The following RBFOX1 variants were observed in gnomAD, a reference collection of about 807,000 sequenced individuals.
RBFOX1 encodes the protein RNA binding fox-1 homolog 1.
RBFOX1 carries 8 observed loss-of-function variants against 57.7 expected under a neutral mutation model. That is an observed-to-expected ratio of 0.14 (90% CI 0.08 to 0.25). RBFOX1 has a LOEUF of 0.25. Among genes scored for constraint, RBFOX1 ranks in the 10% least tolerant of loss-of-function variants. RBFOX1 has a pLI of 1.00. For synonymous variants in RBFOX1, 326 were observed against 222.4 expected, an observed-to-expected ratio of 1.47 and a Z score of -4.15; for missense variants, 611 against 548.5, an observed-to-expected ratio of 1.11 and a Z score of -1.14.
Position 7,109,023 on chromosome 16 carries a change from A to G in RBFOX1, c.27+56925A>G, listed in dbSNP as rs536137028. On this transcript the variant is annotated intron_variant, in intron 4 of 15. Transcript: ENST00000550418. Reference sequence around the variant, plus strand: ...TCAATGGGATGGAAAAGAGGGCAGTATACGTGCAGCATAGGAAAATACAAG... The same window carrying G: ...TCAATGGGATGGAAAAGAGGGCAGTGTACGTGCAGCATAGGAAAATACAAG... Among the ~76,000 whole-genome samples the G allele has an allele frequency of 1.8e-4, 28 of 152,292 alleles. 1 individual carries two copies. In the South Asian group the frequency reaches 5.2e-3, roughly 28 times the overall value.
chr16:7,290,820 A>G (rs910685093), intron 4 of RBFOX1, among the ~76,000 whole-genome samples: 2 of 152,218 alleles, frequency 1.3e-5, no homozygotes, highest in Non-Finnish European at 2.9e-5. Flanking sequence ...TTAGAAGCAG[A>G]CAGCTTATCT....
intron 5 of RBFOX1, among the ~76,000 whole-genome samples, chr16:7,544,542 A>G (rs1460376057): frequency 6.6e-6 from 1 of 152,152 alleles, no homozygotes; most frequent in Non-Finnish European, 1.5e-5. Context: ...GGCATCAAAG[A>G]CAGATTGGAC....
At chr16:5,966,756 C>T (rs539562711) in intron 4 of RBFOX1, among the ~76,000 whole-genome samples, 5 of 152,260 alleles carry the variant, frequency 3.3e-5, no homozygotes, top group Admixed American at 6.5e-5. Flanking sequence ...TCCATGATCA[C>T]ATCACTCCAC....
chr16:6,799,710 C>G (rs1405619912), intron 3 of RBFOX1, among the ~76,000 whole-genome samples: 1 of 152,138 alleles, frequency 6.6e-6, no homozygotes, highest in African/African-American at 2.4e-5. Context: ...CACCTTTCGT[C>G]TTTCTCCTGT....
intron 4 of RBFOX1, among the ~76,000 whole-genome samples, chr16:7,225,596 G>T (rs2093044828): frequency 6.6e-6 from 1 of 151,890 alleles, no homozygotes; most frequent in Non-Finnish European, 1.5e-5. Context: ...GAGATGATGA[G>T]ATTGTGACCT....
In RBFOX1 at chr16:7,694,622, G is replaced by C. The variant is rs150531282; in HGVS notation, c.996-14434G>C. On this transcript the variant is annotated intron_variant, in intron 14 of 15. Coordinates refer to ENST00000550418, the MANE Select transcript of RBFOX1 (RefSeq NM_018723.4). Reference sequence around the variant, plus strand: ...AATTTCCCTCTTAACCCCTAGACTCGTATCTCTGCTTCTCATTGTGAGAGG... The same window carrying C: ...AATTTCCCTCTTAACCCCTAGACTCCTATCTCTGCTTCTCATTGTGAGAGG... 5.9e-3 allele frequency among the ~76,000 whole-genome samples: 892 copies of C among 152,234 alleles called. 28 individuals are homozygous for C. Among genetic ancestry groups the C allele is most frequent in the East Asian group, 3.9e-3 (20 of 5,170 alleles).
At chr16:5,452,212 G>A (rs924017742) in intron 1 of RBFOX1, among the ~76,000 whole-genome samples, 4 of 150,100 alleles carry the variant, frequency 2.7e-5, no homozygotes, top group African/African-American at 2.5e-5. Context: ...TCTGCTTCTC[G>A]GGTTCAAACG....
At chr16:7,502,340 T>A (rs2071212594) in intron 4 of RBFOX1, among the ~76,000 whole-genome samples, 1 of 152,190 alleles carries the variant, frequency 6.6e-6, no homozygotes. Flanking sequence ...CTTACAACAT[T>A]GTGGGAGGTC....
chr16:6,274,087 C>T (rs1016457134), intron 1 of RBFOX1, among the ~76,000 whole-genome samples: 8 of 152,148 alleles, frequency 5.3e-5, no homozygotes, highest in East Asian at 3.9e-4. Context: ...ACATACACAT[C>T]GCTGGAGAGG....
rs531216085 is a variant in RBFOX1, at chr16:6,894,758, T to A, written c.-15-157299T>A. Among the ~76,000 whole-genome samples the A allele has an allele frequency of 3.6e-4, 55 of 152,322 alleles. 1 individual carries two copies. The highest frequency in any genetic ancestry group is 1.3e-3 in the African/African-American group (53 of 41,578). On this transcript the variant is annotated intron_variant, in intron 3 of 15. Coordinates refer to ENST00000550418, the MANE Select transcript of RBFOX1 (RefSeq NM_018723.4). Reference sequence around the variant, plus strand: ...ACAGATTGTATCAGTTTAGTTCATTTTTTTCTATTATCTTAAAAAGCCATT... The same window carrying A: ...ACAGATTGTATCAGTTTAGTTCATTATTTTCTATTATCTTAAAAAGCCATT...
Position 6,019,119 on chromosome 16 carries a change from T to A in RBFOX1, c.-1000T>A. On this transcript the variant is annotated 5_prime_UTR_variant, in exon 1 of 16. Transcript: ENST00000550418. This position sits in a 1 kb window ranked among gnomAD's most constrained non-coding sequence, Gnocchi z 4.2. Reference sequence around the variant, plus strand: ...CGCACACACACACATGCACACATTTTCTCGCGCTCTCTCCGGCTCTCCTTT... The same window carrying A: ...CGCACACACACACATGCACACATTTACTCGCGCTCTCTCCGGCTCTCCTTT... 1.0e-6 allele frequency: 1 copy of A among 984,980 alleles called. No homozygotes were observed. The highest frequency in any genetic ancestry group is 1.2e-6 in the Non-Finnish European group (1 of 829,918). 61.0% of individuals were successfully genotyped at this position (984,980 alleles called of 1,614,324 possible). A position where few individuals can be genotyped will look rare whatever the true frequency, so the allele number is the denominator to read the frequency against.
At chr16:6,811,888 TCAAAATATAAATAAATAAAATA>T (rs1457503334) in intron 3 of RBFOX1, among the ~76,000 whole-genome samples, 3 of 152,070 alleles carry the variant, frequency 2.0e-5, no homozygotes, top group African/African-American at 4.8e-5. Flanking sequence ...AAACTCCATC[TCAAAATATAAATAAATAAAATA>T]CAAAATATAA....
rs1426582226 is a variant in RBFOX1, at chr16:6,157,668, A to G, written c.-127+137676A>G. Among the ~76,000 whole-genome samples, 5 of 152,322 alleles carry G rather than the reference A, an allele frequency of 3.3e-5. No homozygotes were observed. In the East Asian group the frequency reaches 9.6e-4, roughly 29 times the overall value. On this transcript the variant is annotated intron_variant, in intron 1 of 15. Coordinates refer to ENST00000550418, the MANE Select transcript of RBFOX1 (RefSeq NM_018723.4). ...TAATTTATATGCATATATAAATACAAGTTATATATATATGCCCATATATAA... is the reference window on the plus strand; with the variant it reads ...TAATTTATATGCATATATAAATACAGGTTATATATATATGCCCATATATAA...
chr16:6,761,596 C>T (rs559922812), intron 3 of RBFOX1, among the ~76,000 whole-genome samples: 1 of 143,906 alleles, frequency 6.9e-6, no homozygotes, highest in Non-Finnish European at 1.5e-5. Flanking sequence ...TAACCTCTGC[C>T]TCCCAGATTC....
At chr16:7,088,959 C>T (rs1359826742) in intron 4 of RBFOX1, among the ~76,000 whole-genome samples, 1 of 152,164 alleles carries the variant, frequency 6.6e-6, no homozygotes, top group Non-Finnish European at 1.5e-5. Flanking sequence ...GATCTATGAA[C>T]TCTCTTTGCT....
intron 2 of RBFOX1, among the ~76,000 whole-genome samples, chr16:6,385,505 A>G (rs2092197959): frequency 6.6e-6 from 1 of 152,144 alleles, no homozygotes; most frequent in Admixed American, 6.5e-5. Flanking sequence ...GATTACAGGC[A>G]TGCACCACCA....
intron 1 of RBFOX1, among the ~76,000 whole-genome samples, chr16:5,260,338 A>G (rs1479104080): frequency 6.6e-6 from 1 of 152,230 alleles, no homozygotes. Context: ...ACCTCCTAAT[A>G]TTAAGTGAGC....
At chr16:5,719,556 A>G (rs1440939644) in intron 3 of RBFOX1, among the ~76,000 whole-genome samples, 1 of 151,334 alleles carries the variant, frequency 6.6e-6, no homozygotes, top group Admixed American at 6.6e-5. Context: ...TTAAGCAGTA[A>G]CTCCCCATTT....
chr16:5,623,468 G>C (rs914866352), intron 3 of RBFOX1, among the ~76,000 whole-genome samples: 1 of 152,144 alleles, frequency 6.6e-6, no homozygotes, highest in African/African-American at 2.4e-5. Flanking sequence ...AAACAAACAT[G>C]CATGGCCATG....
Sources: gnomAD v4.1 joint callset for allele counts (sites outside exome capture counted in the v4.1 genomes callset) on GRCh38, gnomAD v4.1.1 for gene constraint, Gnocchi (gnomAD v3.1) non-coding constraint, MANE v1.5 for transcripts, NCBI Gene and HGNC (gene_info 2026-07-23, HGNC 2026-07-21) for gene names.